Variants in CEP112 observed in about 807,000 individuals in gnomAD.
CEP112 encodes the protein centrosomal protein 112, also known as centrosomal protein of 112 kDa.
Under a neutral mutation model 153.0 loss-of-function variants are expected in CEP112, and 127 were observed. That is an observed-to-expected ratio of 0.83 (90% CI 0.72 to 0.96). The LOEUF (loss-of-function observed/expected upper bound fraction) is 0.96, where lower values mean the gene tolerates loss of function less well. Among genes scored for constraint, CEP112 ranks in the 40% least tolerant of loss-of-function variants. CEP112 has a pLI of 0.00. For missense variants in CEP112, 1,089 were observed against 1,101.2 expected (o/e 0.99, Z 0.16); for synonymous variants, 358 against 374.4 (o/e 0.96, Z 0.51).
chr17:66,011,787 G>A (rs1237024555), intron 16 of CEP112, among the ~76,000 whole-genome samples: 1 of 152,064 alleles, frequency 6.6e-6, no homozygotes, highest in Admixed American at 6.6e-5. Flanking sequence ...CTCCCTTGAT[G>A]ATCTGACATT....
At chr17:66,123,291 C>T (rs2069685355) in intron 6 of CEP112, among the ~76,000 whole-genome samples, 1 of 152,224 alleles carries the variant, frequency 6.6e-6, no homozygotes, top group South Asian at 2.1e-4. Flanking sequence ...TCCACTTAGA[C>T]TTCAAAGGGA....
At chr17:65,949,609 C>T (rs2061754279) in intron 18 of CEP112, among the ~76,000 whole-genome samples, 1 of 152,144 alleles carries the variant, frequency 6.6e-6, no homozygotes, top group African/African-American at 2.4e-5. Context: ...GACAGAAACA[C>T]ATGAACTCTT....
intron 6 of CEP112, among the ~76,000 whole-genome samples, chr17:66,101,956 A>T (rs913310254): frequency 6.6e-6 from 1 of 152,166 alleles, no homozygotes; most frequent in Non-Finnish European, 1.5e-5. Flanking sequence ...GAAAGAAGAG[A>T]TGGCTATTTT....
At chr17:66,022,839 T>G (rs776646237) in intron 16 of CEP112, among the ~76,000 whole-genome samples, 16 of 151,838 alleles carry the variant, frequency 1.1e-4, no homozygotes, top group Non-Finnish European at 2.1e-4. Context: ...GGATATAAAT[T>G]TTAAAAACTT....
intron 24 of CEP112, among the ~76,000 whole-genome samples, chr17:65,645,647 G>A (rs2045390203): frequency 6.6e-6 from 1 of 152,138 alleles, no homozygotes; most frequent in South Asian, 2.1e-4. Flanking sequence ...TTGTGAGAGA[G>A]ATGTTTAAAT....
At chr17:65,954,480 C>G (rs8074342) in intron 18 of CEP112, among the ~76,000 whole-genome samples, 72,827 of 151,760 alleles carry the variant, frequency 0.48, 18,448 homozygotes, top group East Asian at 0.89. Flanking sequence ...GATCATACCA[C>G]CTCACCAGCA....
chr17:65,941,267 A>G (rs4133725), intron 18 of CEP112, among the ~76,000 whole-genome samples: 62,748 of 151,862 alleles, frequency 0.41, 14,367 homozygotes, highest in East Asian at 0.87. Flanking sequence ...TTAAAATGTT[A>G]AACATTTAAG....
At chr17:65,852,058 G>A in intron 20 of CEP112, 24 bp from the exon 21 acceptor site, 1 of 1,538,228 alleles carries the variant, frequency 6.5e-7, no homozygotes, top group South Asian at 1.2e-5. Context: ...ATGGAAAAAT[G>A]GGCAGAAGAT....
rs540844784 is a variant in CEP112, at chr17:65,971,445, G to A, written c.1737-9847C>T. 4.2e-3 allele frequency among the ~76,000 whole-genome samples: 274 copies of A among 65,360 alleles called. 3 individuals are homozygous for A. Among genetic ancestry groups the A allele is most frequent in the Middle Eastern group, 9.1e-3 (1 of 110 alleles). The allele number at this position is 65,360 out of a possible 152,430, so 42.9% of individuals were successfully genotyped here. ...GCTGCATGCATGTTACATGGATGCC[G>A]CATGCATGCATATCACACACATGTA... On this transcript the variant is annotated intron_variant, in intron 17 of 26. Transcript: ENST00000535342.
At chr17:66,075,647 T>G (rs748299456) in intron 8 of CEP112, among the ~76,000 whole-genome samples, 1 of 152,072 alleles carries the variant, frequency 6.6e-6, no homozygotes, top group Non-Finnish European at 1.5e-5. Flanking sequence ...TAAGAGACTG[T>G]TAAAAAATTA....
rs60618756 is a variant in CEP112 at position 66,022,711 on chromosome 17, G to GGAAAAAAAAA, written c.1656+4789_1656+4790insTTTTTTTTTC. Reference sequence around the variant, plus strand: ...ATGACAGAACGAGACTCCGCCTCAAGAAAAAAAAAAAAAAAAAGAAATGCC... The same window carrying GGAAAAAAAAA: ...ATGACAGAACGAGACTCCGCCTCAAGGAAAAAAAAAAAAAAAAAAAAAAAAAAGAAATGCC... On this transcript the variant is annotated intron_variant, in intron 16 of 26. Transcript: ENST00000535342. Among the ~76,000 whole-genome samples, 4 of 127,060 alleles carry GGAAAAAAAAA rather than the reference G, an allele frequency of 3.1e-5. 1 individual carries two copies. Among genetic ancestry groups the GGAAAAAAAAA allele is most frequent in the Non-Finnish European group, 1.6e-5 (1 of 62,686 alleles). 83.4% of individuals were successfully genotyped at this position (127,060 alleles called of 152,430 possible).
intron 8 of CEP112, among the ~76,000 whole-genome samples, chr17:66,094,186 A>G (rs756960261): frequency 3.0e-4 from 45 of 152,118 alleles, no homozygotes; most frequent in Middle Eastern, 3.4e-3. Flanking sequence ...CAGCCTCCTG[A>G]GTAGCTGGGA....
At chr17:65,885,023 T>C (rs924375788) in intron 20 of CEP112, among the ~76,000 whole-genome samples, 1 of 152,110 alleles carries the variant, frequency 6.6e-6, no homozygotes, top group South Asian at 2.1e-4. Context: ...GCCTAGTTTG[T>C]AGTTTCAAAT....
intron 24 of CEP112, among the ~76,000 whole-genome samples, chr17:65,642,355 A>C (rs2045190495): frequency 6.6e-6 from 1 of 152,218 alleles, no homozygotes; most frequent in South Asian, 2.1e-4. Flanking sequence ...GGATAAGCCT[A>C]TCAATTTGCT....
intron 21 of CEP112, among the ~76,000 whole-genome samples, chr17:65,793,832 G>T (rs1337530122): frequency 6.6e-6 from 1 of 152,130 alleles, no homozygotes; most frequent in African/African-American, 2.4e-5. Flanking sequence ...GATAATCTTT[G>T]TTGTACAATA....
At chr17:66,146,682 C>T (rs1223299518) in intron 4 of CEP112, among the ~76,000 whole-genome samples, 5 of 152,064 alleles carry the variant, frequency 3.3e-5, no homozygotes, top group African/African-American at 7.2e-5. Flanking sequence ...TTCCCTGCTT[C>T]CCACTGCCCC....
chr17:66,015,980 C>T (rs931710766), intron 16 of CEP112, among the ~76,000 whole-genome samples: 2 of 152,102 alleles, frequency 1.3e-5, no homozygotes, highest in African/African-American at 4.8e-5. Context: ...GCCTTCATAT[C>T]GCTGATTTAA....
intron 16 of CEP112, among the ~76,000 whole-genome samples, chr17:66,008,938 T>C (rs1168023812): frequency 1.3e-5 from 2 of 152,176 alleles, no homozygotes; most frequent in Non-Finnish European, 2.9e-5. Flanking sequence ...CACAGATAAA[T>C]ACATAGCTTG....
At chr17:65,777,986 G>A (rs1232439212) in intron 21 of CEP112, among the ~76,000 whole-genome samples, 1 of 151,588 alleles carries the variant, frequency 6.6e-6, no homozygotes, top group African/African-American at 2.4e-5. Context: ...GTCTCACGTT[G>A]ACAGTATTCT....
Sources: gnomAD v4.1 joint callset for allele counts (sites outside exome capture counted in the v4.1 genomes callset) on GRCh38, gnomAD v4.1.1 for gene constraint, MANE v1.5 for transcripts, NCBI Gene and HGNC (gene_info 2026-07-23, HGNC 2026-07-21) for gene names.